The following TRMT44 variants were observed in gnomAD, a reference collection of about 807,000 sequenced individuals.
TRMT44 encodes probable tRNA (uracil-O(2)-)-methyltransferase.
Under a neutral mutation model 77.3 loss-of-function variants are expected in TRMT44, and 78 were observed. That is an observed-to-expected ratio of 1.01 (90% CI 0.84 to 1.22). The LOEUF is 1.22. Ranked by LOEUF, TRMT44 falls within the 50% of genes most tolerant of loss-of-function variation. The pLI, the probability that TRMT44 is intolerant of heterozygous loss-of-function variation, is 0.00. For synonymous variants in TRMT44, 391 were observed against 383.3 expected (o/e 1.02, Z -0.23); for missense variants, 1,090 against 964.4 (o/e 1.13, Z -1.73).
At chr4:8,510,243 C>T in the TRMT44 span, 6 of 152,790 alleles carry the variant, frequency 3.9e-5, no homozygotes, top group South Asian at 2.1e-4. Context: ...GGGGAGAATC[C>T]GTTCCCTGCC....
intron 2 of TRMT44, among the ~76,000 whole-genome samples, chr4:8,482,862 A>G (rs62287397): frequency 0.028 from 4,073 of 143,624 alleles, 67 homozygotes; most frequent in South Asian, 0.042. Context: ...TCTTATAATA[A>G]TAAGAAAAAT....
chr4:8,495,299 G>C (rs920726434), downstream of TRMT44, among the ~76,000 whole-genome samples: 1 of 111,282 alleles, frequency 9.0e-6, no homozygotes, highest in African/African-American at 3.3e-5. Context: ...CTGAGGCTCA[G>C]AGAGGTTAAG....
chr4:8,442,453 A>T (rs1044403261), intron 1 of TRMT44, among the ~76,000 whole-genome samples: 2 of 152,240 alleles, frequency 1.3e-5, no homozygotes, highest in Non-Finnish European at 2.9e-5. Flanking sequence ...ATTCAGCAGC[A>T]TGTGTTTCGT....
At chr4:8,490,637 C>T (rs572792443) in intron 2 of TRMT44, among the ~76,000 whole-genome samples, 6 of 152,166 alleles carry the variant, frequency 3.9e-5, no homozygotes, top group Non-Finnish European at 8.8e-5. Flanking sequence ...AGCTGCAGAC[C>T]TTCGCGGTGA....
At chr4:8,449,996 C>T (rs1382664225) in intron 3 of TRMT44, 108 bp downstream of exon 3, 1 of 618,280 alleles carries the variant, frequency 1.6e-6, no homozygotes, top group Non-Finnish European at 2.4e-6. Flanking sequence ...GTTCTGTCAC[C>T]CCCCCAAAAA....
chr4:8,456,976 C>G (rs1407586496), intron 6 of TRMT44, among the ~76,000 whole-genome samples: 1 of 151,502 alleles, frequency 6.6e-6, no homozygotes, highest in South Asian at 2.1e-4. Context: ...CGCTTGAGGC[C>G]AGGAGTTCAA....
At position 8,471,059 on chromosome 4, in the gene TRMT44, A is replaced by AG. The variant is rs1491039860; in HGVS notation, c.1928-25_1928-24insG. On this transcript the variant is annotated intron_variant, in intron 9 of 10. Coordinates refer to ENST00000389737, the MANE Select transcript of TRMT44 (RefSeq NM_152544.3). ...GTAATATTTTGCTGTTGTTTTGGGG[A>AG]AAAAAAAAACCCGTTTTTCCACAGA... 4 of 1,362,456 alleles carry AG rather than the reference A, an allele frequency of 2.9e-6. No individual in the cohort carries two copies. The African/African-American group carries it at 4.5e-5, about 15-fold the overall frequency. The allele number at this position is 1,362,456 out of a possible 1,614,324, so 84.4% of individuals were successfully genotyped here.
intron 1 of TRMT44, among the ~76,000 whole-genome samples, chr4:8,445,473 A>C (rs1376703082): frequency 6.6e-6 from 1 of 152,026 alleles, no homozygotes; most frequent in Non-Finnish European, 1.5e-5. Context: ...TGTCCACGCC[A>C]CTCACCTCCA....
chr4:8,447,335 C>A (rs1040341819), intron 2 of TRMT44, among the ~76,000 whole-genome samples: 1 of 152,120 alleles, frequency 6.6e-6, no homozygotes, highest in Non-Finnish European at 1.5e-5. Flanking sequence ...TAATTCATAC[C>A]GTTTGGTATT....
Position 8,476,111 on chromosome 4 carries a change from C to A in TRMT44, c.*110C>A. 1 of 961,304 alleles carries A rather than the reference C, an allele frequency of 1.0e-6. No homozygotes were observed. The highest frequency in any genetic ancestry group is 1.6e-6 in the Non-Finnish European group (1 of 639,620). The allele number at this position is 961,304 out of a possible 1,614,324, so 59.5% of individuals were successfully genotyped here. ...CTCTGGCTGTGTTTCAGCCCACCTC[C>A]TCCCAGCTTTCTCCACATCCTCACA... On this transcript the variant is annotated 3_prime_UTR_variant, in exon 11 of 11. Transcript: ENST00000389737.
the TRMT44 span, among the ~76,000 whole-genome samples, chr4:8,498,664 C>G: frequency 5.9e-5 from 9 of 152,206 alleles, no homozygotes. The surrounding 1 kb of genome is among the most constrained non-coding windows in gnomAD (Gnocchi z 4.3). Context: ...GGGTCCCATG[C>G]TGAGACAGCC....
downstream of TRMT44, among the ~76,000 whole-genome samples, chr4:8,494,310 C>T (rs1202381541): frequency 6.6e-6 from 1 of 152,102 alleles, no homozygotes; most frequent in East Asian, 1.9e-4. Context: ...AAATTTCACC[C>T]TCACAATGTA....
chr4:8,468,648 A>G (rs1726771845), intron 9 of TRMT44: 1 of 552,810 alleles, frequency 1.8e-6, no homozygotes, highest in African/African-American at 1.9e-5. Flanking sequence ...GAAATTATCC[A>G]AAGAGAAAAC....
Position 8,448,910 on chromosome 4 carries a change from G to A in TRMT44, c.735-759G>A, listed in dbSNP as rs770330604. On this transcript the variant is annotated intron_variant, in intron 2 of 10. Transcript: ENST00000389737. The stretch of plus-strand genomic sequence containing the variant: ...AGTGGCTGGGATCTGCTTGTTCTTA[G>A]GAATGTCCGTTGAATGTCACTTTTA... 6.6e-5 allele frequency among the ~76,000 whole-genome samples: 10 copies of A among 152,212 alleles called. 1 individual carries two copies. Among genetic ancestry groups the A allele is most frequent in the Non-Finnish European group, 1.5e-4 (10 of 68,032 alleles).
At chr4:8,504,614 C>T in the TRMT44 span, among the ~76,000 whole-genome samples, 1 of 152,174 alleles carries the variant, frequency 6.6e-6, no homozygotes, top group Non-Finnish European at 1.5e-5. This position sits in a 1 kb window ranked among gnomAD's most constrained non-coding sequence, Gnocchi z 5.3. Context: ...TATCCACCTT[C>T]AATAGCTCAT....
rs1038925926 is a variant in TRMT44 at position 8,470,039 on chromosome 4, C to T, written c.1928-1045C>T. ...GTCAAAGGATGAGAAACCAAGAGGC[C>T]GGATATGCCAGGCCAGGAGGCACCC... On this transcript the variant is annotated intron_variant, in intron 9 of 10. Transcript: ENST00000389737. 5.9e-5 allele frequency among the ~76,000 whole-genome samples: 9 copies of T among 152,350 alleles called. No individual in the cohort carries two copies. The East Asian group carries it at 1.3e-3, about 23-fold the overall frequency.
intron 9 of TRMT44, 147 bp downstream of exon 9, chr4:8,468,493 TCAAG>T: frequency 1.3e-6 from 1 of 745,224 alleles, no homozygotes; most frequent in Non-Finnish European, 2.2e-6. Flanking sequence ...TAGGCTCTCT[TCAAG>T]CAAATTCTTT....
In TRMT44 at chr4:8,441,382, TC is replaced by T; in HGVS notation, c.563del (p.Pro188ArgfsTer16). 1 of 1,531,798 alleles carries T rather than the reference TC, an allele frequency of 6.5e-7. No homozygotes were observed. Among genetic ancestry groups the T allele is most frequent in the Non-Finnish European group, 8.7e-7 (1 of 1,143,716 alleles). 94.9% of individuals were successfully genotyped at this position (1,531,798 alleles called of 1,614,324 possible). On this transcript the variant is annotated frameshift_variant, in exon 1 of 11. Coordinates refer to ENST00000389737, the MANE Select transcript of TRMT44 (RefSeq NM_152544.3). LOFTEE classifies it high-confidence loss of function. ...CTCGACGTGGTTCTCAGAACCGTCA[TC>T]CCGAAAACTAGCCCACATTGCCCCC... Reference protein sequence around the residue: ...RELDVVLRTVIPKTSPHCPLT... With the variant: ...RELDVVLRTVXPKTSPHCPLT...
chr4:8,456,425 A>ATGG (rs2109121289), intron 6 of TRMT44, among the ~76,000 whole-genome samples: 1 of 152,320 alleles, frequency 6.6e-6, no homozygotes, highest in Admixed American at 6.5e-5. Context: ...GAAGCAGAGA[A>ATGG]AAGTTACGGC....
Sources: gnomAD v4.1 joint callset for allele counts (sites outside exome capture counted in the v4.1 genomes callset) on GRCh38, gnomAD v4.1.1 for gene constraint, Gnocchi (gnomAD v3.1) non-coding constraint, MANE v1.5 for transcripts, NCBI Gene and HGNC (gene_info 2026-07-23, HGNC 2026-07-21) for gene names.